WDR4: variants seen among roughly 807,000 people sequenced by gnomAD.
WDR4 encodes the protein tRNA (guanine-N(7)-)-methyltransferase non-catalytic subunit WDR4.
In WDR4, 47 loss-of-function variants were observed where a neutral mutation model predicts 48.6. That is an observed-to-expected ratio of 0.97 (90% CI 0.77 to 1.23). The LOEUF is 1.23. Ranked by LOEUF, WDR4 falls within the 50% of genes most tolerant of loss-of-function variation. WDR4 has a pLI of 0.00. For synonymous variants in WDR4, 268 were observed against 230.0 expected (o/e 1.17, Z -1.49); for missense variants, 606 against 551.6 (o/e 1.10, Z -0.99).
chr21:42,867,392 C>CAAAA lies in WDR4; in HGVS notation c.297-3797_297-3796insTTTT, dbSNP rs1569329587. ...GGTGACAAAGAGACACTCCGCTCCA[C>CAAAA]CAAAAAAAAAAAAAAAAAAAAGTGA... On this transcript the variant is annotated intron_variant, in intron 3 of 10. Transcript: ENST00000398208. Among the ~76,000 whole-genome samples, 87 of 64,916 alleles carry CAAAA rather than the reference C, an allele frequency of 1.3e-3. 3 individuals are homozygous for CAAAA. The highest frequency in any genetic ancestry group is 0.015 in the Middle Eastern group (2 of 136). 42.6% of individuals were successfully genotyped at this position (64,916 alleles called of 152,430 possible).
At chr21:42,885,142 T>C in the WDR4 span, among the ~76,000 whole-genome samples, 1 of 152,148 alleles carries the variant, frequency 6.6e-6, no homozygotes, top group Non-Finnish European at 1.5e-5. Flanking sequence ...TCAAATTGTC[T>C]CTCCATGAAT....
chr21:42,887,390 C>G, the WDR4 span, among the ~76,000 whole-genome samples: 1 of 151,970 alleles, frequency 6.6e-6, no homozygotes, highest in Middle Eastern at 3.4e-3. Context: ...CCTCCTGCCT[C>G]AGCCTCCTAA....
intron 5 of WDR4, among the ~76,000 whole-genome samples, chr21:42,860,500 G>A (rs1203675312): frequency 4.6e-5 from 7 of 152,206 alleles, no homozygotes; most frequent in East Asian, 1.9e-4. Flanking sequence ...CGGGGTTCCC[G>A]GGGACCCTGG....
At chr21:42,878,057 G>GA (rs1004142122) in intron 1 of WDR4, among the ~76,000 whole-genome samples, 3 of 134,364 alleles carry the variant, frequency 2.2e-5, no homozygotes, top group Admixed American at 7.2e-5. Context: ...AAAAAAAAAA[G>GA]AAAAAAAAGA....
intron 6 of WDR4, among the ~76,000 whole-genome samples, chr21:42,858,362 G>A (rs1195360917): frequency 2.0e-5 from 3 of 152,170 alleles, no homozygotes; most frequent in Admixed American, 1.3e-4. Flanking sequence ...GCAGACAGCT[G>A]CAGGTTTCTA....
At chr21:42,852,507 G>C (rs1469278174) in intron 9 of WDR4, among the ~76,000 whole-genome samples, 183 bp from the exon 10 acceptor site, 1 of 152,242 alleles carries the variant, frequency 6.6e-6, no homozygotes, top group Non-Finnish European at 1.5e-5. Context: ...CATGATGCCA[G>C]GGCAAGCTCT....
At chr21:42,848,356 G>A (rs940905766), downstream of WDR4, among the ~76,000 whole-genome samples, 2 of 149,034 alleles carry the variant, frequency 1.3e-5, no homozygotes, top group Admixed American at 6.7e-5. Context: ...CACACACACA[G>A]CGCACGATCA....
At chr21:42,879,050 G>C in intron 1 of WDR4, 1 of 1,083,032 alleles carries the variant, frequency 9.2e-7, no homozygotes, top group Non-Finnish European at 1.1e-6. Flanking sequence ...GCCGGGCCTT[G>C]CTGACTGGTC....
chr21:42,855,547 G>C (rs945475870), intron 7 of WDR4, 135 bp downstream of exon 7: 1 of 644,056 alleles, frequency 1.6e-6, no homozygotes, highest in Admixed American at 3.0e-5. Context: ...TGAAATACGA[G>C]ATTTCCCTCA....
intron 5 of WDR4, among the ~76,000 whole-genome samples, chr21:42,860,744 G>A (rs533730087): frequency 5.3e-5 from 8 of 152,364 alleles, no homozygotes; most frequent in African/African-American, 1.9e-4. Context: ...GTTTCCAGGG[G>A]TCTGAAACAA....
At chr21:42,878,041 C>CAAA (rs60952239) in intron 1 of WDR4, among the ~76,000 whole-genome samples, 18 of 114,832 alleles carry the variant, frequency 1.6e-4, no homozygotes, top group Admixed American at 4.3e-4. Context: ...CGAGACTCCT[C>CAAA]AAAAAAAAAA....
Position 42,862,021 on chromosome 21 carries a change from C to T in WDR4, c.566+261G>A, listed in dbSNP as rs375154561. 2.8e-3 allele frequency among the ~76,000 whole-genome samples: 422 copies of T among 152,306 alleles called. 1 individual carries two copies. Among genetic ancestry groups the T allele is most frequent in the Middle Eastern group, 0.017 (5 of 294 alleles). ...TCTCCACACTGAGACAGGGGTTTCC[C>T]GGAAACAAGCCCTTCCTGTTCGGTC... On this transcript the variant is annotated intron_variant, in intron 5 of 10. Coordinates refer to ENST00000398208, the MANE Select transcript of WDR4 (RefSeq NM_018669.6). This position sits in a 1 kb window ranked among gnomAD's most constrained non-coding sequence, Gnocchi z 4.3.
chr21:42,867,505 G>A (rs1010478676), intron 3 of WDR4, among the ~76,000 whole-genome samples: 4 of 151,954 alleles, frequency 2.6e-5, no homozygotes, highest in East Asian at 3.9e-4. Context: ...CCAAATGCTC[G>A]GGACGAAAAG....
downstream of WDR4, among the ~76,000 whole-genome samples, chr21:42,847,310 C>T (rs765174822): frequency 3.9e-5 from 6 of 152,146 alleles, no homozygotes; most frequent in Non-Finnish European, 8.8e-5. Flanking sequence ...TCTAAATACA[C>T]GCGGAGCTGG....
chr21:42,855,583 G>A, intron 7 of WDR4, 99 bp downstream of exon 7: 1 of 901,608 alleles, frequency 1.1e-6, no homozygotes, highest in Non-Finnish European at 1.6e-6. Context: ...GGCATTGAGA[G>A]CAAACGTTTC....
At chr21:42,883,250 G>C (rs375217022), upstream of WDR4, among the ~76,000 whole-genome samples, 2 of 140,764 alleles carry the variant, frequency 1.4e-5, no homozygotes, top group African/African-American at 2.6e-5. Flanking sequence ...ACTCCAACCC[G>C]AGTAACAGAG....
At chr21:42,856,924 C>T (rs1326476144) in intron 6 of WDR4, among the ~76,000 whole-genome samples, 1 of 152,148 alleles carries the variant, frequency 6.6e-6, no homozygotes, top group Non-Finnish European at 1.5e-5. Flanking sequence ...CATGAACCCA[C>T]TAAGACAAAG....
Position 42,859,829 on chromosome 21 carries a change from A to G in WDR4, c.567-107T>C. The G allele has an allele frequency of 3.5e-6, 4 of 1,144,916 alleles. No homozygotes were observed. In the South Asian group the frequency reaches 4.0e-5, roughly 11 times the overall value. 70.9% of individuals were successfully genotyped at this position (1,144,916 alleles called of 1,614,324 possible). The stretch of plus-strand genomic sequence containing the variant: ...TCTAAGGAAGAGAAGCCTCTGCCCT[A>G]AACCCCCTGATCCAATAAAAACAGC... On this transcript the variant is annotated intron_variant, in intron 5 of 10. Coordinates refer to ENST00000398208, the MANE Select transcript of WDR4 (RefSeq NM_018669.6).
At chr21:42,845,994 C>T (rs746786323), downstream of WDR4, among the ~76,000 whole-genome samples, 26 of 152,008 alleles carry the variant, frequency 1.7e-4, no homozygotes, top group Non-Finnish European at 3.4e-4. Flanking sequence ...TTAGCCAGCA[C>T]GCAGGCACAC....
Sources: gnomAD v4.1 joint callset for allele counts (sites outside exome capture counted in the v4.1 genomes callset) on GRCh38, gnomAD v4.1.1 for gene constraint, Gnocchi (gnomAD v3.1) non-coding constraint, MANE v1.5 for transcripts, NCBI Gene and HGNC (gene_info 2026-07-23, HGNC 2026-07-21) for gene names.